Variants in GFRA1 observed in about 807,000 individuals in gnomAD.
GFRA1 encodes GDNF family receptor alpha 1, also known as GDNF family receptor alpha-1.
Under a neutral mutation model 51.6 loss-of-function variants are expected in GFRA1, and 16 were observed. The observed-to-expected ratio is 0.31, with a 90% confidence interval of 0.21 to 0.47. The LOEUF is 0.47. Among genes scored for constraint, GFRA1 ranks in the 20% least tolerant of loss-of-function variants. The pLI is 1.00. For missense variants in GFRA1, 530 were observed against 594.3 expected (o/e 0.89, Z 1.13); for synonymous variants, 270 against 241.3 (o/e 1.12, Z -1.10).
chr10:116,089,263 T>G (rs185739488), intron 9 of GFRA1, among the ~76,000 whole-genome samples: 110 of 152,280 alleles, frequency 7.2e-4, no homozygotes, highest in African/African-American at 2.6e-3. Flanking sequence ...CGTCAAGCAG[T>G]CTGCATGGGA....
At position 116,253,622 on chromosome 10, in the gene GFRA1, A is replaced by T. The variant is rs1053492924; in HGVS notation, c.418+15881T>A. ...GACTCTCTCTCACAAGAGAAAAAAAAAATAAGAAAGAAACCAGGGTCAAGG... is the reference window on the plus strand; with the variant it reads ...GACTCTCTCTCACAAGAGAAAAAAATAATAAGAAAGAAACCAGGGTCAAGG... On this transcript the variant is annotated intron_variant, in intron 4 of 10. Coordinates refer to ENST00000355422, the MANE Select transcript of GFRA1 (RefSeq NM_005264.8). 1.1e-4 allele frequency among the ~76,000 whole-genome samples: 17 copies of T among 152,138 alleles called. 1 individual carries two copies. Among genetic ancestry groups the T allele is most frequent in the African/African-American group, 3.9e-4 (16 of 41,512 alleles).
intron 5 of GFRA1, among the ~76,000 whole-genome samples, chr10:116,161,955 T>C (rs1959852820): frequency 6.6e-6 from 1 of 152,268 alleles, no homozygotes; most frequent in Non-Finnish European, 1.5e-5. Flanking sequence ...CAGCCATTTA[T>C]AACATTGAGA....
intron 5 of GFRA1, among the ~76,000 whole-genome samples, chr10:116,168,815 G>A (rs1476415084): frequency 6.6e-6 from 1 of 152,132 alleles, no homozygotes; most frequent in Admixed American, 6.5e-5. Flanking sequence ...GTTTCTTGAA[G>A]CCATCCACAT....
chr10:116,149,052 G>T (rs1958953642), intron 5 of GFRA1, among the ~76,000 whole-genome samples: 1 of 151,548 alleles, frequency 6.6e-6, no homozygotes, highest in Admixed American at 6.6e-5. Flanking sequence ...AAGCCTGTTG[G>T]CAATGAGCAG....
intron 5 of GFRA1, among the ~76,000 whole-genome samples, chr10:116,200,397 G>C (rs923664324): frequency 6.6e-6 from 1 of 152,160 alleles, no homozygotes; most frequent in Admixed American, 6.5e-5. Flanking sequence ...CCTTCTGCAA[G>C]GTTTGACTTC....
intron 5 of GFRA1, among the ~76,000 whole-genome samples, chr10:116,178,996 A>G (rs530526724): frequency 9.9e-5 from 15 of 152,224 alleles, no homozygotes; most frequent in African/African-American, 3.6e-4. Context: ...GTTGGATCCC[A>G]TCTGCTCCCC....
At chr10:116,242,172 G>T (rs1250860305) in intron 4 of GFRA1, among the ~76,000 whole-genome samples, 3 of 152,122 alleles carry the variant, frequency 2.0e-5, no homozygotes, top group Non-Finnish European at 2.9e-5. Context: ...TTTAGACACA[G>T]TCTGAAACCC....
upstream of GFRA1, among the ~76,000 whole-genome samples, chr10:116,273,671 GTCTCTCTCTC>G (rs60112716): frequency 1.0e-4 from 15 of 147,458 alleles, no homozygotes; most frequent in African/African-American, 2.8e-4. Flanking sequence ...CTCTCTCTCT[GTCTCTCTCTC>G]TCTCTCTCTC....
intron 9 of GFRA1, among the ~76,000 whole-genome samples, chr10:116,072,355 G>C (rs1343057361): frequency 6.6e-6 from 1 of 152,176 alleles, no homozygotes; most frequent in Non-Finnish European, 1.5e-5. Flanking sequence ...TGCAGGGAAA[G>C]GGACAGGTTG....
chr10:116,189,899 T>C (rs1267297776), intron 5 of GFRA1, among the ~76,000 whole-genome samples: 1 of 152,182 alleles, frequency 6.6e-6, no homozygotes, highest in Non-Finnish European at 1.5e-5. Context: ...GGGTTTTTTT[T>C]TTAAGGTCTC....
At chr10:116,211,689 G>C (rs1448898401) in intron 4 of GFRA1, 44 bp from the exon 5 acceptor site, 11 of 1,465,978 alleles carry the variant, frequency 7.5e-6, no homozygotes, top group Admixed American at 2.0e-5. Context: ...AGGGGAGAAA[G>C]AGAGGAGAAA....
intron 5 of GFRA1, among the ~76,000 whole-genome samples, chr10:116,147,306 G>T (rs1236772723): frequency 1.3e-5 from 2 of 152,146 alleles, no homozygotes; most frequent in African/African-American, 2.4e-5. Flanking sequence ...TTGGCCCTAG[G>T]GGGAGGGGAG....
chr10:116,096,601 C>T (rs576231570), intron 7 of GFRA1, 54 bp downstream of exon 7: 20 of 943,626 alleles, frequency 2.1e-5, no homozygotes, highest in South Asian at 8.1e-5. Context: ...ATGGAAAGAA[C>T]GCAGGTATAT....
intron 9 of GFRA1, among the ~76,000 whole-genome samples, chr10:116,088,692 G>A (rs1028686037): frequency 4.6e-5 from 7 of 151,986 alleles, no homozygotes; most frequent in Admixed American, 2.6e-4. Flanking sequence ...AGGCTGAGGC[G>A]GGCAGATCAC....
intron 4 of GFRA1, among the ~76,000 whole-genome samples, chr10:116,217,356 A>G (rs74158409): frequency 0.03 from 4,629 of 152,356 alleles, 158 homozygotes; most frequent in African/African-American, 0.089. Flanking sequence ...CCATAGGAAT[A>G]TCATGAGGAT....
At chr10:116,143,713 C>T (rs940874993) in intron 5 of GFRA1, among the ~76,000 whole-genome samples, 10 of 152,142 alleles carry the variant, frequency 6.6e-5, no homozygotes, top group Non-Finnish European at 1.5e-4. Context: ...TTAACTCTAA[C>T]TCTCTAACAA....
At chr10:116,169,416 C>T (rs1323514258) in intron 5 of GFRA1, among the ~76,000 whole-genome samples, 1 of 152,238 alleles carries the variant, frequency 6.6e-6, no homozygotes, top group African/African-American at 2.4e-5. Flanking sequence ...CGGACCTAAA[C>T]GAAAACTTCA....
rs1344059250 is a variant in GFRA1 at position 116,272,186 on chromosome 10, C to A, written c.-157G>T. 4.2e-6 allele frequency: 3 copies of A among 709,104 alleles called. No individual in the cohort carries two copies. Among genetic ancestry groups the A allele is most frequent in the Non-Finnish European group, 7.3e-6 (3 of 412,226 alleles). 43.9% of individuals were successfully genotyped at this position (709,104 alleles called of 1,614,324 possible). A position where few individuals can be genotyped will look rare whatever the true frequency, so the allele number is the denominator to read the frequency against. On this transcript the variant is annotated 5_prime_UTR_variant, in exon 2 of 11. Transcript: ENST00000355422. This position sits in a 1 kb window ranked among gnomAD's most constrained non-coding sequence, Gnocchi z 4.4. Reference sequence around the variant, plus strand: ...TCCAGTGAAAGAGGAAACTCCGGGTCTGGCAGCAGCCACCGCCGCCGGCGA... The same window carrying A: ...TCCAGTGAAAGAGGAAACTCCGGGTATGGCAGCAGCCACCGCCGCCGGCGA...
intron 5 of GFRA1, among the ~76,000 whole-genome samples, chr10:116,204,567 T>C (rs977433645): frequency 1.3e-5 from 2 of 152,178 alleles, no homozygotes; most frequent in Non-Finnish European, 2.9e-5. Context: ...GCCTGGAGCA[T>C]CTTCTAGTGC....
Sources: allele counts gnomAD v4.1 joint callset (sites outside exome capture counted in the v4.1 genomes callset), GRCh38; gene constraint gnomAD v4.1.1; non-coding constraint Gnocchi (gnomAD v3.1); transcripts MANE v1.5; gene names NCBI Gene and HGNC (gene_info 2026-07-23, HGNC 2026-07-21).